The following EP400 variants were observed in gnomAD, a reference collection of about 807,000 sequenced individuals.
EP400 encodes the protein E1A binding protein p400.
EP400 carries 105 observed loss-of-function variants against 354.1 expected under a neutral mutation model. The observed-to-expected ratio is 0.30, with a 90% confidence interval of 0.25 to 0.35. The LOEUF is 0.35. EP400 is among the 10% of genes least tolerant of loss of function. EP400 has a pLI of 1.00. For missense variants in EP400, 3,280 were observed against 4,121.0 expected, an observed-to-expected ratio of 0.80 and a Z score of 5.59; for synonymous variants, 1,646 against 1,716.9, an observed-to-expected ratio of 0.96 and a Z score of 1.02.
chr12:131,981,104 A>G (rs935801257), intron 3 of EP400, among the ~76,000 whole-genome samples: 1 of 152,288 alleles, frequency 6.6e-6, no homozygotes, highest in Non-Finnish European at 1.5e-5. Context: ...CACGCTGTGC[A>G]GCCTCATTCC....
At chr12:131,991,638 T>G (rs2136504679) in intron 10 of EP400, among the ~76,000 whole-genome samples, 182 bp downstream of exon 10, 1 of 151,138 alleles carries the variant, frequency 6.6e-6, no homozygotes, top group East Asian at 2.0e-4. Flanking sequence ...TGGAGTGAAG[T>G]GGCACGATCT....
chr12:132,062,545 ACAACAGCAGCAGCAGCAG>A lies in EP400; in HGVS notation c.8181_8198del (p.Gln2743_Gln2748del). ...TCAGGCAGCAGCAGCAGCAGCAGCA[ACAACAGCAGCAGCAGCAG>A]CAGCAGCAGCAGCAGCAGCAGCAGC... On this transcript the variant is annotated inframe_deletion, in exon 47 of 53. Transcript: ENST00000389561. 1 of 1,299,620 alleles carries A rather than the reference ACAACAGCAGCAGCAGCAG, an allele frequency of 7.7e-7. No homozygotes were observed. The allele number at this position is 1,299,620 out of a possible 1,614,324, so 80.5% of individuals were successfully genotyped here. A position where few individuals can be genotyped will look rare whatever the true frequency, so the allele number is the denominator to read the frequency against.
Position 132,043,431 on chromosome 12 carries a change from A to G in EP400, c.6335A>G (p.Gln2112Arg). Residue 2112 changes from glutamine to arginine, a missense_variant, in exon 33 of 53, where the codon CAA becomes CGA. By Grantham distance (43) the Gln-to-Arg change is conservative. Around this residue, in one of 20 missense-constraint regions of EP400, gnomAD observed 54 missense variants for 41.3 expected, o/e 1.31. Transcript: ENST00000389561. The stretch of plus-strand genomic sequence containing the variant: ...ATGCCGTGTGATGAAGAACCATCCC[A>G]ATTAGAGGAGCTAGCTGACTTCATG... Reference protein sequence around the residue: ...ENMPCDEEPSQLEELADFMEQ... With the variant: ...ENMPCDEEPSRLEELADFMEQ... The G allele has an allele frequency of 1.9e-6, 3 of 1,613,278 alleles. No individual in the cohort carries two copies. The highest frequency in any genetic ancestry group is 2.5e-6 in the Non-Finnish European group (3 of 1,180,014).
chr12:132,036,090 G>A (rs1293310861), intron 30 of EP400, among the ~76,000 whole-genome samples: 3 of 150,772 alleles, frequency 2.0e-5, no homozygotes, highest in Admixed American at 1.3e-4. Context: ...AGGTTCACAC[G>A]GAATGTCGTG....
Position 131,960,708 on chromosome 12 carries a change from C to CG in EP400, c.89_90insG (p.His31ProfsTer34). ...GGCAGCGAGGGTGAGGAGCAGCCGG[C>CG]CCACCCCAACCCACCCCCGTCCCCC... On this transcript the variant is annotated frameshift_variant, in exon 2 of 53. Coordinates refer to ENST00000389561, the MANE Select transcript of EP400 (RefSeq NM_015409.5). LOFTEE classifies it high-confidence loss of function. 5.7e-6 allele frequency: 2 copies of CG among 348,964 alleles called. No individual in the cohort carries two copies. Among genetic ancestry groups the CG allele is most frequent in the South Asian group, 2.2e-5 (1 of 45,024 alleles). 21.6% of individuals were successfully genotyped at this position (348,964 alleles called of 1,614,324 possible).
In EP400 at chr12:132,017,744, G is replaced by C; in HGVS notation, c.4110+23G>C. On this transcript the variant is annotated intron_variant, in intron 20 of 52. Coordinates refer to ENST00000389561, the MANE Select transcript of EP400 (RefSeq NM_015409.5). This position sits in a 1 kb window ranked among gnomAD's most constrained non-coding sequence, Gnocchi z 5.0. ...AAGGTAAGTGGAGGATCCAGAAAGCGGAATTACTGTTGGATATCTTTTCTA... is the reference window on the plus strand; with the variant it reads ...AAGGTAAGTGGAGGATCCAGAAAGCCGAATTACTGTTGGATATCTTTTCTA... 6.6e-7 allele frequency: 1 copy of C among 1,507,298 alleles called. No individual in the cohort carries two copies. Among genetic ancestry groups the C allele is most frequent in the Non-Finnish European group, 8.9e-7 (1 of 1,128,688 alleles). The allele number at this position is 1,507,298 out of a possible 1,614,324, so 93.4% of individuals were successfully genotyped here. A position where few individuals can be genotyped will look rare whatever the true frequency, so the allele number is the denominator to read the frequency against.
chr12:132,028,436 G>A, intron 27 of EP400, 148 bp downstream of exon 27: 1 of 1,044,058 alleles, frequency 9.6e-7, no homozygotes, highest in Non-Finnish European at 1.4e-6. Context: ...TAGTCTTTGA[G>A]GTCTTCAGCT....
At chr12:132,011,796 A>G (rs1893775367) in intron 16 of EP400, among the ~76,000 whole-genome samples, 162 bp downstream of exon 16, 1 of 152,254 alleles carries the variant, frequency 6.6e-6, no homozygotes. Flanking sequence ...GAAAGCATAG[A>G]CAATACCGCA....
At chr12:131,979,542 A>G (rs528746408) in intron 2 of EP400, among the ~76,000 whole-genome samples, 152 bp from the exon 3 acceptor site, 1 of 152,248 alleles carries the variant, frequency 6.6e-6, no homozygotes, top group Non-Finnish European at 1.5e-5. Context: ...ATAAATATAC[A>G]TTACACATGT....
chr12:132,062,736 T>TC, intron 47 of EP400, 35 bp downstream of exon 47: 1 of 1,608,028 alleles, frequency 6.2e-7, no homozygotes, highest in Non-Finnish European at 8.5e-7. Flanking sequence ...AACGTGTGCG[T>TC]CTTGCGGTCA....
At chr12:131,956,208 A>G (rs910743118) in intron 1 of EP400, among the ~76,000 whole-genome samples, 2 of 152,080 alleles carry the variant, frequency 1.3e-5, no homozygotes, top group African/African-American at 4.8e-5. Flanking sequence ...TGGGTGTGTC[A>G]GTGGTTTGTT....
intron 5 of EP400, among the ~76,000 whole-genome samples, chr12:131,983,913 T>C (rs994807900): frequency 6.6e-6 from 1 of 152,086 alleles, no homozygotes; most frequent in Non-Finnish European, 1.5e-5. Flanking sequence ...TTTCTTTTTT[T>C]TTTTTTAGAC....
At chr12:131,978,913 T>C (rs1442904264) in intron 2 of EP400, among the ~76,000 whole-genome samples, 11 of 152,152 alleles carry the variant, frequency 7.2e-5, no homozygotes, top group Admixed American at 2.0e-4. Flanking sequence ...ACTATAAAAA[T>C]ATCCTTTTAA....
chr12:131,972,234 G>C (rs1022021528), intron 2 of EP400, among the ~76,000 whole-genome samples: 1 of 150,960 alleles, frequency 6.6e-6, no homozygotes, highest in African/African-American at 2.4e-5. Flanking sequence ...TTCACCGCAA[G>C]CTCCGCCTCC....
Position 131,999,028 on chromosome 12 carries a change from A to G in EP400, c.2827+4072A>G, listed in dbSNP as rs571509973. On this transcript the variant is annotated intron_variant, in intron 12 of 52. Transcript: ENST00000389561. ...TTTTGTGCTAGGTAGGACTTTCAGT[A>G]AAGTGTTGAGTTCGTGCTAGTGGTG... is the stretch of plus-strand genomic sequence containing the variant. Among the ~76,000 whole-genome samples, 7 of 151,700 alleles carry G rather than the reference A, an allele frequency of 4.6e-5. No homozygotes were observed. The East Asian group carries it at 1.4e-3, about 30-fold the overall frequency.
intron 45 of EP400, among the ~76,000 whole-genome samples, chr12:132,060,133 A>C (rs753311317): frequency 2.6e-5 from 4 of 152,204 alleles, no homozygotes; most frequent in Non-Finnish European, 4.4e-5. Context: ...CTTTTAGAAA[A>C]GTCTGATTAC....
At chr12:132,001,458 AC>A (rs1414203439) in intron 12 of EP400, among the ~76,000 whole-genome samples, 1 of 152,232 alleles carries the variant, frequency 6.6e-6, no homozygotes, top group East Asian at 1.9e-4. Context: ...ACAGGATGGA[AC>A]ATGAAAGCAG....
chr12:132,056,112 A>G (rs1895506859), intron 45 of EP400, among the ~76,000 whole-genome samples: 1 of 151,968 alleles, frequency 6.6e-6, no homozygotes, highest in Non-Finnish European at 1.5e-5. Flanking sequence ...GTGCCCTGGG[A>G]CCACCTGCTT....
intron 12 of EP400, among the ~76,000 whole-genome samples, chr12:131,999,362 A>G (rs750165448): frequency 6.6e-6 from 1 of 152,138 alleles, no homozygotes; most frequent in East Asian, 1.9e-4. Context: ...CATAGTGTAT[A>G]GGGTTCTTGT....
Sources: allele counts gnomAD v4.1 joint callset (sites outside exome capture counted in the v4.1 genomes callset), GRCh38; gene constraint gnomAD v4.1.1; regional missense constraint gnomAD v4.1.1; non-coding constraint Gnocchi (gnomAD v3.1); transcripts MANE v1.5; gene names NCBI Gene and HGNC (gene_info 2026-07-23, HGNC 2026-07-21).